Variants in WDR49 observed in about 807,000 individuals in gnomAD.
The protein encoded by WDR49 is cilia- and flagella-associated protein 337.
A neutral mutation model predicts 119.5 loss-of-function variants in WDR49; 107 were observed. That is an observed-to-expected ratio of 0.90 (90% CI 0.77 to 1.05). The LOEUF (loss-of-function observed/expected upper bound fraction) is 1.05, where lower values mean the gene tolerates loss of function less well. Among genes scored for constraint, WDR49 ranks in the 50% least tolerant of loss-of-function variants. The pLI is 0.00. For synonymous variants in WDR49, 425 were observed against 418.8 expected (o/e 1.01, Z -0.18); for missense variants, 1,240 against 1,220.5 (o/e 1.02, Z -0.24).
chr3:167,598,012 T>C (rs1715572191), intron 7 of WDR49, among the ~76,000 whole-genome samples: 1 of 151,970 alleles, frequency 6.6e-6, no homozygotes. Flanking sequence ...TGTTTTGAAA[T>C]GTGAGAAGGT....
Position 167,505,367 on chromosome 3 carries a change from T to G in WDR49, c.2824A>C (p.Ser942Arg). 1 of 1,533,422 alleles carries G rather than the reference T, an allele frequency of 6.5e-7. No individual in the cohort carries two copies. Among genetic ancestry groups the G allele is most frequent in the Non-Finnish European group, 8.7e-7 (1 of 1,149,216 alleles). 95.0% of individuals were successfully genotyped at this position (1,533,422 alleles called of 1,614,324 possible). ...INLDIKYKERSTCMKETQKPY... is the reference protein window; with the variant it reads ...INLDIKYKERRTCMKETQKPY... ...TTTTGTGTTTCTTTCATGCAGGTAC[T>G]TCTTTCCTTATATTTTATATCTAAA... Residue 942 changes from serine (S) to arginine (R), a missense_variant, in exon 17 of 19, where the codon AGT (serine) becomes CGT (arginine). By Grantham distance (110) the Ser-to-Arg change is moderately radical. Coordinates refer to ENST00000682715, the MANE Select transcript of WDR49 (RefSeq NM_001366157.1).
At chr3:167,564,539 C>A (rs981667670) in intron 8 of WDR49, among the ~76,000 whole-genome samples, 9 of 152,176 alleles carry the variant, frequency 5.9e-5, no homozygotes, top group African/African-American at 7.2e-5. Flanking sequence ...TTTAATGATA[C>A]CAAATCTCTT....
rs554548004 is a variant in WDR49 at position 167,557,645 on chromosome 3, C to T, written c.1674+2419G>A. ...GCAGGCGCCTGTAGTCCCAGCTACT[C>T]GGGAGGCTGAGGCAGGAGAATGGTG... On this transcript the variant is annotated intron_variant, in intron 9 of 18. Coordinates refer to ENST00000682715, the MANE Select transcript of WDR49 (RefSeq NM_001366157.1). 7.2e-4 allele frequency among the ~76,000 whole-genome samples: 108 copies of T among 150,960 alleles called. 1 individual carries two copies. The South Asian group carries it at 0.012, about 17-fold the overall frequency.
chr3:167,614,173 C>G (rs955187096), intron 5 of WDR49, among the ~76,000 whole-genome samples: 9 of 152,100 alleles, frequency 5.9e-5, no homozygotes, highest in African/African-American at 2.2e-4. Flanking sequence ...GCAATCTCGG[C>G]TCACTGCAAC....
At chr3:167,479,558 T>TACAA (rs1235281619) in intron 18 of WDR49, among the ~76,000 whole-genome samples, 1 of 152,234 alleles carries the variant, frequency 6.6e-6, no homozygotes, top group Non-Finnish European at 1.5e-5. Context: ...ATAATTTTAT[T>TACAA]ATTTAAACAA....
intron 10 of WDR49, among the ~76,000 whole-genome samples, chr3:167,552,845 A>C (rs1712654495): frequency 6.6e-6 from 1 of 152,122 alleles, no homozygotes; most frequent in Non-Finnish European, 1.5e-5. Flanking sequence ...TTACCATCCC[A>C]TCCTGCACAT....
intron 16 of WDR49, among the ~76,000 whole-genome samples, chr3:167,511,026 G>T (rs1436982436): frequency 6.6e-6 from 1 of 152,008 alleles, no homozygotes; most frequent in Admixed American, 6.6e-5. Context: ...TTCTTCGGAA[G>T]AATATTTCTT....
rs2108269895 is a variant in WDR49 at position 167,560,056 on chromosome 3, G to T, written c.1674+8C>A. The stretch of plus-strand genomic sequence containing the variant: ...TATCTGGATAGAAAAGCATCATTGT[G>T]TTCGCACCTTTACAGTCCCATCTGT... On this transcript the variant is annotated splice_region_variant and intron_variant, in intron 9 of 18. Transcript: ENST00000682715. The T allele has an allele frequency of 6.2e-7, 1 of 1,613,910 alleles. No homozygotes were observed. Among genetic ancestry groups the T allele is most frequent in the East Asian group, 2.2e-5 (1 of 44,852 alleles).
chr3:167,532,752 T>G (rs970476729), intron 12 of WDR49, 127 bp downstream of exon 12: 9 of 620,682 alleles, frequency 1.5e-5, no homozygotes, highest in Non-Finnish European at 2.5e-5. Flanking sequence ...AATGATATCC[T>G]TAATCCTTCA....
At chr3:167,505,256 T>C (rs376739906) in intron 17 of WDR49, 51 bp downstream of exon 17, 7 of 1,375,310 alleles carry the variant, frequency 5.1e-6, no homozygotes, top group Middle Eastern at 2.8e-4. Context: ...GTATTCACAC[T>C]AATCTGTTAA....
intron 8 of WDR49, among the ~76,000 whole-genome samples, chr3:167,574,552 T>A (rs1577249856): frequency 6.6e-6 from 1 of 152,206 alleles, no homozygotes; most frequent in Non-Finnish European, 1.5e-5. Context: ...CTCAACTCAA[T>A]TGTATAATGA....
chr3:167,575,007 G>A (rs1714156141), intron 8 of WDR49: 7 of 967,338 alleles, frequency 7.2e-6, no homozygotes, highest in Non-Finnish European at 8.6e-6. Context: ...CTAACAAAGG[G>A]CTTTCCACCC....
rs572671055 is a variant in WDR49, at chr3:167,623,303, A to G, written c.607-1660T>C. Among the ~76,000 whole-genome samples, 14 of 152,220 alleles carry G rather than the reference A, an allele frequency of 9.2e-5. No individual in the cohort carries two copies. In the South Asian group the frequency reaches 2.9e-3, roughly 32 times the overall value. On this transcript the variant is annotated intron_variant, in intron 3 of 18. Transcript: ENST00000682715. ...ATGTATACTGAACTAAATACTAGCA[A>G]AGAGAATTTAGCAACATACAAAAAA...
intron 8 of WDR49, among the ~76,000 whole-genome samples, chr3:167,560,707 C>A (rs1713215172): frequency 6.6e-6 from 1 of 151,730 alleles, no homozygotes; most frequent in African/African-American, 2.4e-5. Flanking sequence ...GCTTTTAATG[C>A]CATTAGTCCT....
rs1226406554 is a variant in WDR49, at chr3:167,596,553, A to C, written c.1275+5574T>G. ...TACTATGCAGCCATAAAAAATGATG[A>C]GTTCATGTCCTTTGTAGGGACATGG... On this transcript the variant is annotated intron_variant, in intron 7 of 18. Transcript: ENST00000682715. Among the ~76,000 whole-genome samples, 290 of 150,822 alleles carry C rather than the reference A, an allele frequency of 1.9e-3. 1 individual carries two copies. Among genetic ancestry groups the C allele is most frequent in the Non-Finnish European group, 3.3e-3 (220 of 67,676 alleles).
At chr3:167,491,803 G>A (rs543559218) in intron 18 of WDR49, among the ~76,000 whole-genome samples, 1 of 152,076 alleles carries the variant, frequency 6.6e-6, no homozygotes, top group South Asian at 2.1e-4. Flanking sequence ...AGCTGTTTAA[G>A]AACCAACTGG....
chr3:167,523,200 A>G (rs571691302), intron 15 of WDR49, among the ~76,000 whole-genome samples: 3 of 152,262 alleles, frequency 2.0e-5, no homozygotes, highest in South Asian at 4.1e-4. Context: ...ATGCCTACAG[A>G]GCCAGTCAAA....
At chr3:167,510,302 CTG>C (rs1751920873) in intron 16 of WDR49, among the ~76,000 whole-genome samples, 1 of 152,110 alleles carries the variant, frequency 6.6e-6, no homozygotes, top group South Asian at 2.1e-4. Flanking sequence ...TATTCTGAAA[CTG>C]TATTTTCTGA....
chr3:167,591,826 C>G (rs1715129993), intron 7 of WDR49, among the ~76,000 whole-genome samples: 1 of 151,698 alleles, frequency 6.6e-6, no homozygotes. Context: ...ATAATTGGGT[C>G]TTGTTTTTTT....
Sources: gnomAD v4.1 joint callset for allele counts (sites outside exome capture counted in the v4.1 genomes callset) on GRCh38, gnomAD v4.1.1 for gene constraint, MANE v1.5 for transcripts, NCBI Gene and HGNC (gene_info 2026-07-23, HGNC 2026-07-21) for gene names.